The following BCAR3 variants were observed in gnomAD, a reference collection of about 807,000 sequenced individuals.
BCAR3 encodes breast cancer anti-estrogen resistance protein 3.
BCAR3 carries 37 observed loss-of-function variants against 80.1 expected under a neutral mutation model. The ratio of observed to expected loss-of-function variants is 0.46; its 90% CI spans 0.36 to 0.61. The LOEUF is 0.61. Ranked by LOEUF, BCAR3 falls within the 20% of genes least tolerant of loss-of-function variation. BCAR3 has a pLI of 0.00. For missense variants in BCAR3, 978 were observed against 1,068.2 expected (o/e 0.92, Z 1.18); for synonymous variants, 389 against 418.9 (o/e 0.93, Z 0.87).
chr1:93,693,998 T>C (rs183081765), intron 3 of BCAR3, among the ~76,000 whole-genome samples: 151 of 152,364 alleles, frequency 9.9e-4, no homozygotes, highest in African/African-American at 3.5e-3. Context: ...CAGGTATTAT[T>C]ATCCCTATTT....
At chr1:93,650,219 T>C (rs868098851) in intron 2 of BCAR3, among the ~76,000 whole-genome samples, 3 of 152,112 alleles carry the variant, frequency 2.0e-5, no homozygotes, top group Non-Finnish European at 2.9e-5. Flanking sequence ...ACCTAGTCTC[T>C]ACTAAAAATA....
chr1:93,767,558 T>C (rs927161861), intron 2 of BCAR3, among the ~76,000 whole-genome samples: 59 of 152,146 alleles, frequency 3.9e-4, no homozygotes, highest in Admixed American at 3.0e-3. Flanking sequence ...CTTTTTGTGT[T>C]TCAAACCACA....
At chr1:93,564,758 A>G (rs971707064) in intron 11 of BCAR3, among the ~76,000 whole-genome samples, 6 of 152,222 alleles carry the variant, frequency 3.9e-5, no homozygotes, top group African/African-American at 1.4e-4. Context: ...TACCATTTGC[A>G]GGATTATACT....
rs546953923 is a variant in BCAR3 at position 93,603,115 on chromosome 1, C to T, written c.358-10722G>A. On this transcript the variant is annotated intron_variant, in intron 3 of 11. Transcript: ENST00000260502. ...CTTATGCTAATAACTGTGATTAAAG[C>T]CAAAGCATTTACTTAAATAATTAAC... 3.9e-5 allele frequency among the ~76,000 whole-genome samples: 6 copies of T among 152,296 alleles called. No individual in the cohort carries two copies. In the South Asian group the frequency reaches 1.2e-3, roughly 32 times the overall value.
At chr1:93,821,704 C>T (rs1654228701) in intron 2 of BCAR3, among the ~76,000 whole-genome samples, 1 of 152,202 alleles carries the variant, frequency 6.6e-6, no homozygotes, top group Non-Finnish European at 1.5e-5. Context: ...CTGAGCACTA[C>T]ACATATACTT....
chr1:93,733,699 C>A (rs553042175), intron 2 of BCAR3, among the ~76,000 whole-genome samples: 1 of 152,314 alleles, frequency 6.6e-6, no homozygotes, highest in South Asian at 2.1e-4. Flanking sequence ...CCTGTATGGG[C>A]ACTCTTAGAA....
chr1:93,662,982 T>C (rs1647734685), intron 2 of BCAR3, among the ~76,000 whole-genome samples: 1 of 152,212 alleles, frequency 6.6e-6, no homozygotes, highest in South Asian at 2.1e-4. Context: ...ATCACATGAT[T>C]TGATGATCTC....
At chr1:93,813,186 C>T (rs959066831) in intron 2 of BCAR3, among the ~76,000 whole-genome samples, 3 of 152,084 alleles carry the variant, frequency 2.0e-5, no homozygotes, top group Non-Finnish European at 4.4e-5. Context: ...GTTCTTCCTC[C>T]ACCTATAGGT....
intron 2 of BCAR3, among the ~76,000 whole-genome samples, chr1:93,794,286 G>GAC (rs1197925414): frequency 1.9e-4 from 11 of 56,520 alleles, no homozygotes; most frequent in African/African-American, 5.4e-4. Context: ...ATGTGTGGGA[G>GAC]TTTAAGTCTC....
Position 93,592,404 on chromosome 1 carries a change from G to C in BCAR3, c.358-11C>G. 1.3e-6 allele frequency: 2 copies of C among 1,587,984 alleles called. No individual in the cohort carries two copies. Among genetic ancestry groups the C allele is most frequent in the Non-Finnish European group, 8.5e-7 (1 of 1,173,176 alleles). ...CCTCTCCTTGGAGAACTGCAACACA[G>C]AGTCAACCATGAGCTCACCCTGCCC... On this transcript the variant is annotated splice_polypyrimidine_tract_variant and intron_variant, in intron 3 of 11. Transcript: ENST00000260502. The surrounding 1 kb of genome is among the most constrained non-coding windows in gnomAD (Gnocchi z 4.8).
intron 3 of BCAR3, among the ~76,000 whole-genome samples, chr1:93,691,530 G>A (rs751201096): frequency 3.9e-5 from 6 of 152,148 alleles, no homozygotes; most frequent in African/African-American, 7.2e-5. Flanking sequence ...AGAGACAGGC[G>A]GCCTTGGCAG....
At chr1:93,576,837 C>T (rs1225836298) in intron 7 of BCAR3, among the ~76,000 whole-genome samples, 1 of 152,186 alleles carries the variant, frequency 6.6e-6, no homozygotes, top group Non-Finnish European at 1.5e-5. Context: ...AGAAGTGTTA[C>T]AACTGAGCCA....
chr1:93,632,600 G>GTT (rs1264329053), intron 3 of BCAR3, among the ~76,000 whole-genome samples: 1 of 152,090 alleles, frequency 6.6e-6, no homozygotes. Context: ...TAGCCCCATC[G>GTT]TAAGTGGAGT....
At chr1:93,829,364 G>A (rs1654480066) in intron 2 of BCAR3, among the ~76,000 whole-genome samples, 1 of 152,074 alleles carries the variant, frequency 6.6e-6, no homozygotes, top group Non-Finnish European at 1.5e-5. Flanking sequence ...AAAAGAGGGT[G>A]AGAGACCTGG....
intron 2 of BCAR3, among the ~76,000 whole-genome samples, chr1:93,804,317 GAGAT>G (rs1653590349): frequency 6.6e-6 from 1 of 152,118 alleles, no homozygotes; most frequent in Non-Finnish European, 1.5e-5. Context: ...TTCTTCTTCT[GAGAT>G]AGGTATTATG....
chr1:93,771,196 T>A (rs188380110), intron 2 of BCAR3, among the ~76,000 whole-genome samples: 1 of 152,302 alleles, frequency 6.6e-6, no homozygotes, highest in Non-Finnish European at 1.5e-5. Context: ...ATGAGGAAAC[T>A]GAGAGATGCT....
At chr1:93,587,052 GGCGTGA>G (rs1673974731) in intron 5 of BCAR3, among the ~76,000 whole-genome samples, 1 of 152,232 alleles carries the variant, frequency 6.6e-6, no homozygotes, top group South Asian at 2.1e-4. Flanking sequence ...TGGGATTACA[GGCGTGA>G]GCCACCATGC....
chr1:93,588,833 G>T lies in BCAR3; in HGVS notation c.929+144C>A. ...CTCAGCTGGGAGCTAATTGTTCACTGCCTCGTGACAGCTATTCTGCGAACA... is the reference window on the plus strand; with the variant it reads ...CTCAGCTGGGAGCTAATTGTTCACTTCCTCGTGACAGCTATTCTGCGAACA... On this transcript the variant is annotated intron_variant, in intron 5 of 11. Transcript: ENST00000260502. The T allele has an allele frequency of 2.1e-6, 2 of 943,584 alleles. No homozygotes were observed. The highest frequency in any genetic ancestry group is 2.7e-5 in the East Asian group (1 of 37,506). 58.5% of individuals were successfully genotyped at this position (943,584 alleles called of 1,614,324 possible).
At chr1:93,660,090 T>G (rs374137227) in intron 2 of BCAR3, among the ~76,000 whole-genome samples, 124 of 151,546 alleles carry the variant, frequency 8.2e-4, no homozygotes, top group African/African-American at 2.9e-3. Flanking sequence ...GTGTTTTCTC[T>G]AATACGCGGA....
Sources: gnomAD v4.1 joint callset for allele counts (sites outside exome capture counted in the v4.1 genomes callset) on GRCh38, gnomAD v4.1.1 for gene constraint, Gnocchi (gnomAD v3.1) non-coding constraint, MANE v1.5 for transcripts, NCBI Gene and HGNC (gene_info 2026-07-23, HGNC 2026-07-21) for gene names.